Variants in DLG2 observed in about 807,000 individuals in gnomAD.
DLG2 encodes the protein disks large homolog 2.
A neutral mutation model predicts 132.5 loss-of-function variants in DLG2; 45 were observed. That is an observed-to-expected ratio of 0.34 (90% CI 0.27 to 0.44). The LOEUF is 0.44. Among genes scored for constraint, DLG2 ranks in the 20% least tolerant of loss-of-function variants. The pLI, the probability that DLG2 is intolerant of heterozygous loss-of-function variation, is 1.00. For missense variants in DLG2, 1,045 were observed against 1,196.9 expected (o/e 0.87, Z 1.87); for synonymous variants, 424 against 419.6 (o/e 1.01, Z -0.13).
At chr11:85,371,891 T>C (rs2085009032) in intron 3 of DLG2, among the ~76,000 whole-genome samples, 1 of 152,266 alleles carries the variant, frequency 6.6e-6, no homozygotes, top group Admixed American at 6.5e-5. Flanking sequence ...CTCTACTTTA[T>C]GCAAATAATC....
intron 6 of DLG2, among the ~76,000 whole-genome samples, chr11:84,755,143 G>T (rs1338483678): frequency 6.6e-6 from 1 of 152,174 alleles, no homozygotes. Flanking sequence ...TAAGTTTGAA[G>T]AGACCGGAAG....
chr11:83,642,172 C>T (rs939743095), intron 18 of DLG2, among the ~76,000 whole-genome samples: 2 of 152,142 alleles, frequency 1.3e-5, no homozygotes, highest in Non-Finnish European at 2.9e-5. Flanking sequence ...ATCCTAACAC[C>T]TGGCATAGCG....
At chr11:83,501,228 A>G (rs1056603802) in intron 21 of DLG2, among the ~76,000 whole-genome samples, 3 of 125,712 alleles carry the variant, frequency 2.4e-5, no homozygotes, top group African/African-American at 8.9e-5. Flanking sequence ...GATATTTTCT[A>G]AAATTCAAAG....
chr11:85,125,530 TTAGA>T (rs897028981), intron 5 of DLG2, among the ~76,000 whole-genome samples: 1 of 152,188 alleles, frequency 6.6e-6, no homozygotes, highest in African/African-American at 2.4e-5. Context: ...TTTTATTTAA[TTAGA>T]TATTTAGGTT....
At chr11:85,209,972 TCTCA>T (rs2082154593) in intron 4 of DLG2, among the ~76,000 whole-genome samples, 1 of 152,028 alleles carries the variant, frequency 6.6e-6, no homozygotes, top group South Asian at 2.1e-4. Flanking sequence ...TAGTTTGAGC[TCTCA>T]CTTTCTTCAG....
intron 3 of DLG2, among the ~76,000 whole-genome samples, chr11:85,575,633 C>T (rs1349455015): frequency 1.3e-5 from 2 of 151,964 alleles, no homozygotes; most frequent in African/African-American, 2.4e-5. Context: ...TTTGCATTTG[C>T]ATTGCATTTG....
chr11:85,312,745 C>T (rs2080396135), intron 3 of DLG2, among the ~76,000 whole-genome samples: 1 of 151,882 alleles, frequency 6.6e-6, no homozygotes, highest in Non-Finnish European at 1.5e-5. Context: ...CACTCAAGAT[C>T]TTGTGAAAGA....
At chr11:85,493,210 A>G (rs994163331) in intron 3 of DLG2, among the ~76,000 whole-genome samples, 1 of 152,332 alleles carries the variant, frequency 6.6e-6, no homozygotes, top group Admixed American at 6.5e-5. Context: ...GTATTAGATT[A>G]AAACAAGCAG....
At chr11:84,880,589 T>C (rs905166743) in intron 6 of DLG2, among the ~76,000 whole-genome samples, 27 of 152,144 alleles carry the variant, frequency 1.8e-4, no homozygotes, top group African/African-American at 6.5e-4. Flanking sequence ...TGAAGATTCT[T>C]TGAACAAATA....
At position 85,525,462 on chromosome 11, in the gene DLG2, T is replaced by C. The variant is rs1006514980; in HGVS notation, c.40+73195A>G. ...AAGCATGAAAAAGAAAAATAAAGAA[T>C]GTAAAGATTTTTAAAGGAATATACG... On this transcript the variant is annotated intron_variant, in intron 3 of 27. Coordinates refer to ENST00000376104, the MANE Select transcript of DLG2 (RefSeq NM_001142699.3). 2.6e-5 allele frequency among the ~76,000 whole-genome samples: 4 copies of C among 152,244 alleles called. No homozygotes were observed. The South Asian group carries it at 8.3e-4, about 32-fold the overall frequency.
intron 6 of DLG2, among the ~76,000 whole-genome samples, chr11:84,789,584 T>G (rs1380157875): frequency 1.3e-5 from 2 of 152,190 alleles, no homozygotes; most frequent in Non-Finnish European, 2.9e-5. Flanking sequence ...TTTTAGTTAT[T>G]TTTAAATGTG....
chr11:85,361,033 T>A (rs2084107717), intron 3 of DLG2, among the ~76,000 whole-genome samples: 2 of 152,186 alleles, frequency 1.3e-5, no homozygotes, highest in South Asian at 4.2e-4. Flanking sequence ...AAAAATAAAA[T>A]CTTCTTCTTT....
intron 3 of DLG2, among the ~76,000 whole-genome samples, chr11:85,348,818 C>A (rs934451636): frequency 2.7e-4 from 41 of 152,192 alleles, no homozygotes; most frequent in Admixed American, 2.4e-3. Flanking sequence ...CCAGTCATCC[C>A]TTCATCTCCA....
At chr11:85,008,738 G>C (rs1362443592) in intron 6 of DLG2, among the ~76,000 whole-genome samples, 3 of 151,952 alleles carry the variant, frequency 2.0e-5, no homozygotes, top group Non-Finnish European at 2.9e-5. Flanking sequence ...TAGACACTGT[G>C]ATGAGCAATT....
At chr11:84,467,100 C>G (rs1422848337) in intron 7 of DLG2, among the ~76,000 whole-genome samples, 1 of 151,258 alleles carries the variant, frequency 6.6e-6, no homozygotes, top group Non-Finnish European at 1.5e-5. Flanking sequence ...GTCTATTTAT[C>G]ATTTTCTACT....
At chr11:85,512,769 G>T (rs1374307231) in intron 3 of DLG2, among the ~76,000 whole-genome samples, 3 of 152,082 alleles carry the variant, frequency 2.0e-5, no homozygotes, top group Non-Finnish European at 1.5e-5. Flanking sequence ...TAGTCCCTTG[G>T]AAAGCAGTGT....
At chr11:84,172,144 G>C (rs1321832269) in intron 8 of DLG2, among the ~76,000 whole-genome samples, 1 of 152,236 alleles carries the variant, frequency 6.6e-6, no homozygotes, top group African/African-American at 2.4e-5. Flanking sequence ...GTAAGCAAAA[G>C]ATTTTCTGCT....
chr11:84,256,115 T>C (rs2097464883), intron 7 of DLG2, among the ~76,000 whole-genome samples: 1 of 149,596 alleles, frequency 6.7e-6, no homozygotes, highest in Non-Finnish European at 1.5e-5. Flanking sequence ...TTGTTTATAC[T>C]AGTAATAGAT....
At chr11:84,227,523 A>T (rs751869506) in intron 8 of DLG2, among the ~76,000 whole-genome samples, 4 of 152,202 alleles carry the variant, frequency 2.6e-5, no homozygotes, top group Non-Finnish European at 4.4e-5. Flanking sequence ...ATTTGTTCAC[A>T]ATAATCTTAT....
Sources: gnomAD v4.1 joint callset for allele counts (sites outside exome capture counted in the v4.1 genomes callset) on GRCh38, gnomAD v4.1.1 for gene constraint, MANE v1.5 for transcripts, NCBI Gene and HGNC (gene_info 2026-07-23, HGNC 2026-07-21) for gene names.